The following RIC1 variants were observed in gnomAD, a reference collection of about 807,000 sequenced individuals.
The protein encoded by RIC1 is guanine nucleotide exchange factor subunit RIC1.
RIC1 carries 88 observed loss-of-function variants against 169.0 expected under a neutral mutation model. The observed-to-expected ratio is 0.52, with a 90% confidence interval of 0.44 to 0.62. The LOEUF (loss-of-function observed/expected upper bound fraction) is 0.62. RIC1 is among the 20% of genes least tolerant of loss of function. The pLI is 0.00. For missense variants in RIC1, 1,877 were observed against 1,725.5 expected (o/e 1.09, Z -1.56); for synonymous variants, 790 against 601.5 (o/e 1.31, Z -4.59).
At chr9:5,722,558 C>G (rs1823670173) in intron 6 of RIC1, among the ~76,000 whole-genome samples, 1 of 151,916 alleles carries the variant, frequency 6.6e-6, no homozygotes, top group African/African-American at 2.4e-5. Context: ...CTTTCTAAAT[C>G]TATCTTTTTA....
chr9:5,677,193 G>C (rs1280893523), intron 2 of RIC1, among the ~76,000 whole-genome samples: 4 of 152,156 alleles, frequency 2.6e-5, no homozygotes, highest in African/African-American at 4.8e-5. Context: ...ATGTGGTAGG[G>C]TATGCCTTTT....
chr9:5,702,257 G>A (rs981169565), intron 3 of RIC1, among the ~76,000 whole-genome samples: 1 of 152,218 alleles, frequency 6.6e-6, no homozygotes, highest in South Asian at 2.1e-4. Context: ...AAAGAGAGTA[G>A]CATCTGAGCT....
intron 7 of RIC1, among the ~76,000 whole-genome samples, chr9:5,733,613 C>T (rs1334327664): frequency 1.3e-5 from 2 of 152,146 alleles, no homozygotes; most frequent in African/African-American, 2.4e-5. Flanking sequence ...TCATTACACT[C>T]TTAATAAACT....
intron 1 of RIC1, among the ~76,000 whole-genome samples, chr9:5,647,078 C>G (rs1053179815): frequency 1.1e-4 from 16 of 152,000 alleles, no homozygotes; most frequent in African/African-American, 3.9e-4. Context: ...TTTCCTTTTC[C>G]CCTTTGAATG....
chr9:5,683,629 G>C (rs548191584), intron 2 of RIC1, among the ~76,000 whole-genome samples: 5 of 152,212 alleles, frequency 3.3e-5, no homozygotes, highest in African/African-American at 1.2e-4. Context: ...CCGGTTCTCA[G>C]ATCTCAAGCT....
intron 2 of RIC1, among the ~76,000 whole-genome samples, chr9:5,664,109 T>C (rs1223384163): frequency 1.3e-5 from 2 of 152,150 alleles, no homozygotes; most frequent in Non-Finnish European, 2.9e-5. Flanking sequence ...AATTCTTTAC[T>C]TTAAGAATGT....
rs4471106 is a variant in RIC1, at chr9:5,629,133, G to A, written c.-177G>A. On this transcript the variant is annotated 5_prime_UTR_variant, in exon 1 of 26. Transcript: ENST00000414202. ...CACTCGGCCCCGTCAGCTTGGGGGT[G>A]CCTTCGTCGCGCAGCCTTGCGTCGG... 0.27 allele frequency: 120,166 copies of A among 441,160 alleles called. 19,331 individuals are homozygous for A. The highest frequency in any genetic ancestry group is 0.59 in the East Asian group (14,097 of 23,730). 27.3% of individuals were successfully genotyped at this position (441,160 alleles called of 1,614,324 possible). A position where few individuals can be genotyped will look rare whatever the true frequency, so the allele number is the denominator to read the frequency against.
chr9:5,777,027 G>C (rs959990090), downstream of RIC1, among the ~76,000 whole-genome samples: 4 of 152,096 alleles, frequency 2.6e-5, no homozygotes, highest in Non-Finnish European at 4.4e-5. Context: ...TGGCACCAAA[G>C]CATGTTGTTA....
chr9:5,751,723 AATAAGT>A (rs780689266), intron 12 of RIC1, among the ~76,000 whole-genome samples: 232 of 152,348 alleles, frequency 1.5e-3, no homozygotes, highest in Non-Finnish European at 2.3e-3. Context: ...AAGTCAACTT[AATAAGT>A]ATAACAAATA....
chr9:5,647,310 A>C (rs1224718778), intron 1 of RIC1, among the ~76,000 whole-genome samples: 2 of 152,292 alleles, frequency 1.3e-5, no homozygotes, highest in Non-Finnish European at 2.9e-5. Flanking sequence ...GGGAATCCAT[A>C]TGAATTTTAG....
chr9:5,767,528 C>T (rs1454571930), intron 21 of RIC1, among the ~76,000 whole-genome samples: 1 of 149,200 alleles, frequency 6.7e-6, no homozygotes, highest in Non-Finnish European at 1.5e-5. Context: ...TATATTCTTA[C>T]TACCGTGCTT....
At chr9:5,647,874 T>A (rs893020455) in intron 1 of RIC1, among the ~76,000 whole-genome samples, 5 of 151,872 alleles carry the variant, frequency 3.3e-5, no homozygotes, top group African/African-American at 1.2e-4. Flanking sequence ...TGATGCTGGT[T>A]ACAAGTTGTT....
intron 2 of RIC1, among the ~76,000 whole-genome samples, chr9:5,660,612 A>G (rs1819395150): frequency 6.6e-6 from 1 of 151,996 alleles, no homozygotes; most frequent in African/African-American, 2.4e-5. Context: ...AGTGATGTTG[A>G]GCTTTTTAAA....
At chr9:5,668,975 T>A (rs1250610459) in intron 2 of RIC1, among the ~76,000 whole-genome samples, 1 of 152,236 alleles carries the variant, frequency 6.6e-6, no homozygotes, top group Admixed American at 6.5e-5. Flanking sequence ...TAATTTTTCA[T>A]TGAGAACTGG....
chr9:5,689,952 C>T lies in RIC1; in HGVS notation c.253-7C>T. On this transcript the variant is annotated splice_region_variant and splice_polypyrimidine_tract_variant and intron_variant, in intron 2 of 25. Transcript: ENST00000414202. ...TTAATTCATGATTAATAAAATTTCT[C>T]TTTCAGACGGCAAATGGATACATCT... 6.4e-7 allele frequency: 1 copy of T among 1,571,322 alleles called. No homozygotes were observed. Among genetic ancestry groups the T allele is most frequent in the Non-Finnish European group, 8.7e-7 (1 of 1,151,716 alleles).
intron 2 of RIC1, among the ~76,000 whole-genome samples, chr9:5,683,837 G>A (rs553573040): frequency 5.3e-5 from 8 of 152,298 alleles, no homozygotes; most frequent in East Asian, 1.9e-4. Flanking sequence ...CTCAAGCCTC[G>A]GGAATGGCGG....
chr9:5,665,492 T>G (rs1819699154), intron 2 of RIC1, among the ~76,000 whole-genome samples: 1 of 152,212 alleles, frequency 6.6e-6, no homozygotes, highest in African/African-American at 2.4e-5. Flanking sequence ...GGAGAGGTGT[T>G]GTGGTCATTT....
chr9:5,652,010 G>GA (rs1818831154), intron 1 of RIC1, among the ~76,000 whole-genome samples: 1 of 152,108 alleles, frequency 6.6e-6, no homozygotes, highest in Non-Finnish European at 1.5e-5. Flanking sequence ...CCTGTTTTTT[G>GA]AAAATCAGTT....
chr9:5,757,949 C>CT (rs911087843), intron 17 of RIC1, among the ~76,000 whole-genome samples: 48 of 152,242 alleles, frequency 3.2e-4, no homozygotes, highest in African/African-American at 1.1e-3. Context: ...TAATTTTAGA[C>CT]TTTAAGTCTA....
Sources: gnomAD v4.1 joint callset for allele counts (sites outside exome capture counted in the v4.1 genomes callset) on GRCh38, gnomAD v4.1.1 for gene constraint, MANE v1.5 for transcripts, NCBI Gene and HGNC (gene_info 2026-07-23, HGNC 2026-07-21) for gene names.